The following IGFN1 variants were observed in gnomAD, a reference collection of about 807,000 sequenced individuals.
The protein encoded by IGFN1 is immunoglobulin like and fibronectin type III domain containing 1.
Under a neutral mutation model 289.5 loss-of-function variants are expected in IGFN1, and 253 were observed. The observed-to-expected ratio is 0.87, with a 90% CI of 0.79 to 0.97. The LOEUF (loss-of-function observed/expected upper bound fraction) is 0.97, where lower values mean the gene tolerates loss of function less well. Among genes scored for constraint, IGFN1 ranks in the 50% least tolerant of loss-of-function variants. The pLI, the probability that IGFN1 is intolerant of heterozygous loss-of-function variation, is 0.00. For synonymous variants in IGFN1, 1,706 were observed against 1,788.5 expected, an observed-to-expected ratio of 0.95 and a Z score of 1.16; for missense variants, 4,470 against 4,686.1, an observed-to-expected ratio of 0.95 and a Z score of 1.35.
At chr1:201,220,124 C>A (rs1196749816) in intron 18 of IGFN1, among the ~76,000 whole-genome samples, 1 of 140,310 alleles carries the variant, frequency 7.1e-6, no homozygotes, top group Non-Finnish European at 1.5e-5. Context: ...CCCTCCCTCT[C>A]TTCTTTCTTT....
Position 201,206,158 on chromosome 1 carries a change from C to G in IGFN1, c.1265C>G (p.Ala422Gly). ...AGGCAAGGAGCCCAGGCATCAGGAG[C>G]AGAAGAGTCTGGGAGCATCGAGAGC... ...LQRQGAQASG[A>G]EESGSIESQG... The change falls in exon 12 of 24, where the codon GCA becomes GGA. Residue 422 changes from alanine (A) to glycine (G), a missense_variant. Ala to Gly is a moderately conservative substitution (Grantham distance 60, BLOSUM62 0). Transcript: ENST00000335211. The G allele has an allele frequency of 6.4e-7, 1 of 1,550,802 alleles. No homozygotes were observed. The highest frequency in any genetic ancestry group is 8.7e-7 in the Non-Finnish European group (1 of 1,146,898).
intron 19 of IGFN1, 96 bp from the exon 20 acceptor site, chr1:201,222,643 C>A: frequency 2.7e-6 from 2 of 752,950 alleles, no homozygotes. Context: ...TCCGACTGGC[C>A]CAGTCTTCCC....
chr1:201,200,075 C>T (rs531662895), intron 7 of IGFN1, among the ~76,000 whole-genome samples, 162 bp from the exon 8 acceptor site: 33 of 152,254 alleles, frequency 2.2e-4, no homozygotes, highest in Non-Finnish European at 3.1e-4. Context: ...ATCTCTGAAT[C>T]CTTCTGGCCT....
rs1277079811 is a variant in IGFN1, at chr1:201,203,658, G to T, written c.748-80G>T. ...ACTGGGCCCGTGGGAGAAAACTGCT[G>T]GTTATAGCCAGAATGGGACTGGGGC... is the stretch of plus-strand genomic sequence containing the variant. On this transcript the variant is annotated intron_variant, in intron 9 of 23. Coordinates refer to ENST00000335211, the MANE Select transcript of IGFN1 (RefSeq NM_001164586.2). The T allele has an allele frequency of 6.6e-6, 9 of 1,373,000 alleles. No homozygotes were observed. In the East Asian group the frequency reaches 2.3e-4, roughly 34 times the overall value. 85.1% of individuals were successfully genotyped at this position (1,373,000 alleles called of 1,614,324 possible). A position where few individuals can be genotyped will look rare whatever the true frequency, so the allele number is the denominator to read the frequency against.
chr1:201,226,226 G>A, intron 22 of IGFN1, 103 bp downstream of exon 22: 1 of 1,290,610 alleles, frequency 7.7e-7, no homozygotes, highest in Non-Finnish European at 1.0e-6. Context: ...AGGGACTGTG[G>A]CAGGGATGGC....
intron 7 of IGFN1, 89 bp downstream of exon 7, chr1:201,199,743 C>T (rs1054454886): frequency 3.7e-5 from 42 of 1,129,670 alleles, no homozygotes; most frequent in African/African-American, 1.1e-4. Context: ...GCTTGAGCCC[C>T]ACCTCTACCC....
At position 201,224,820 on chromosome 1, in the gene IGFN1, C is replaced by T. The variant is rs373083910; in HGVS notation, c.10432C>T (p.Leu3478=). The stretch of plus-strand genomic sequence containing the variant: ...AGACAGTGGTCTCTACACTGTGGTG[C>T]TGAGGACCCTGCAGGGGAAGGAGGT... ...LSDSGLYTVV[L]RTLQGKEVAH... The change falls in exon 21 of 24, where the codon CTG becomes TTG. Residue 3478 remains leucine (L), a synonymous_variant. Transcript: ENST00000335211. 1.7e-5 allele frequency: 27 copies of T among 1,613,744 alleles called. No homozygotes were observed. The highest frequency in any genetic ancestry group is 2.2e-5 in the Non-Finnish European group (26 of 1,179,956).
At chr1:201,214,422 C>A in intron 13 of IGFN1, 121 bp downstream of exon 13, 1 of 1,062,178 alleles carries the variant, frequency 9.4e-7, no homozygotes, top group Non-Finnish European at 1.3e-6. Context: ...CTAATGTATC[C>A]ACCTCAGGAG....
chr1:201,204,786 G>A (rs908128589), intron 10 of IGFN1, among the ~76,000 whole-genome samples: 2 of 152,108 alleles, frequency 1.3e-5, no homozygotes, highest in African/African-American at 2.4e-5. Context: ...ATAAACTACC[G>A]GCTCTTAGCA....
At chr1:201,193,206 C>T in intron 1 of IGFN1, 41 bp from the exon 2 acceptor site, 1 of 1,002,580 alleles carries the variant, frequency 1.0e-6, no homozygotes, top group Non-Finnish European at 1.5e-6. Flanking sequence ...GGGGTGAGAC[C>T]AGCCTGGATT....
At position 201,215,782 on chromosome 1, in the gene IGFN1, T is replaced by G; in HGVS notation, c.9239T>G (p.Val3080Gly). ...AGRKDCGQYS[V>G]TLRSEGGSVQ... ...AGGAAGGACTGTGGCCAGTACAGCG[T>G]GACACTGAGGAGTGAGGGAGGCTCT... The change falls in exon 15 of 24, where the codon GTG (valine) becomes GGG (glycine). Residue 3080 changes from valine (V) to glycine (G), a missense_variant. Coordinates refer to ENST00000335211, the MANE Select transcript of IGFN1 (RefSeq NM_001164586.2). The G allele has an allele frequency of 6.2e-7, 1 of 1,601,466 alleles. No individual in the cohort carries two copies. The highest frequency in any genetic ancestry group is 8.5e-7 in the Non-Finnish European group (1 of 1,172,726).
In IGFN1 at chr1:201,222,843, G is replaced by A. The variant is rs1257849434; in HGVS notation, c.10290+16G>A. Reference sequence around the variant, plus strand: ...CTCCTTTGAAGTGAGTGTACCTGCAGGGGTGTGGGGAGGGAAGCCCAGAGA... The same window carrying A: ...CTCCTTTGAAGTGAGTGTACCTGCAAGGGTGTGGGGAGGGAAGCCCAGAGA... On this transcript the variant is annotated intron_variant, in intron 20 of 23. Coordinates refer to ENST00000335211, the MANE Select transcript of IGFN1 (RefSeq NM_001164586.2). 1 of 1,591,842 alleles carries A rather than the reference G, an allele frequency of 6.3e-7. No individual in the cohort carries two copies. The highest frequency in any genetic ancestry group is 2.3e-5 in the East Asian group (1 of 44,402).
chr1:201,225,023 T>G (rs1166723253), intron 21 of IGFN1, 149 bp downstream of exon 21: 1 of 588,824 alleles, frequency 1.7e-6, no homozygotes, highest in East Asian at 3.1e-5. Flanking sequence ...CCATGCTTGA[T>G]GATAGAAAGT....
Position 201,213,347 on chromosome 1 carries a change from G to A in IGFN1, c.8454G>A (p.Arg2818=), listed in dbSNP as rs1218375628. 4 of 1,606,466 alleles carry A rather than the reference G, an allele frequency of 2.5e-6. No individual in the cohort carries two copies. The highest frequency in any genetic ancestry group is 1.3e-5 in the African/African-American group (1 of 74,810). ...GGAGGCCTGGCTCACTCAGGAGCAG[G>A]TCTCAGGCACAGTCAGGGGCTGAGG... ...SGRRPGSLRS[R]SQAQSGAEVG... is the part of the protein sequence containing the mutation. The change falls in exon 12 of 24, where the codon AGG becomes AGA. Residue 2818 remains arginine, a synonymous_variant. Coordinates refer to ENST00000335211, the MANE Select transcript of IGFN1 (RefSeq NM_001164586.2).
chr1:201,192,958 G>A (rs1033537465), intron 1 of IGFN1, among the ~76,000 whole-genome samples: 4 of 152,170 alleles, frequency 2.6e-5, no homozygotes, highest in African/African-American at 9.7e-5. Context: ...CCCACCAGGA[G>A]GCCAGGCCAC....
chr1:201,219,030 C>A (rs1197215271), intron 18 of IGFN1, among the ~76,000 whole-genome samples: 3 of 147,358 alleles, frequency 2.0e-5, no homozygotes, highest in African/African-American at 7.6e-5. Flanking sequence ...AGAGGGAGAC[C>A]CTGTTACAAA....
chr1:201,225,784 G>C, intron 21 of IGFN1, 40 bp from the exon 22 acceptor site: 1 of 1,565,706 alleles, frequency 6.4e-7, no homozygotes, highest in Non-Finnish European at 8.6e-7. Flanking sequence ...GCCCTGCTGG[G>C]TCCCCTCCAC....
In IGFN1 at chr1:201,218,604, G is replaced by C. The variant is rs1190276568; in HGVS notation, c.9844G>C (p.Gly3282Arg). 1 of 1,612,580 alleles carries C rather than the reference G, an allele frequency of 6.2e-7. No individual in the cohort carries two copies. The highest frequency in any genetic ancestry group is 8.5e-7 in the Non-Finnish European group (1 of 1,179,976). The change falls in exon 18 of 24, where the codon GGT (glycine) becomes CGT (arginine). Residue 3282 changes from glycine (G) to arginine (R), a missense_variant. By Grantham distance (125) the Gly-to-Arg change is moderately radical. Transcript: ENST00000335211. Reference sequence around the variant, plus strand: ...CCGGGTCACAGCTGTGGCTCCCTCAGGTCCCGGAGAGCCTGGACCTCCATC... The same window carrying C: ...CCGGGTCACAGCTGTGGCTCCCTCACGTCCCGGAGAGCCTGGACCTCCATC... ...EFRVTAVAPS[G>R]PGEPGPPSDA... is the part of the protein sequence containing the mutation.
chr1:201,203,690 C>T (rs1352676038), intron 9 of IGFN1, 48 bp from the exon 10 acceptor site: 1 of 1,525,618 alleles, frequency 6.6e-7, no homozygotes, highest in Admixed American at 2.0e-5. Flanking sequence ...GGGCAGGAAG[C>T]ACTGAGGACC....
Sources: gnomAD v4.1 joint callset for allele counts (sites outside exome capture counted in the v4.1 genomes callset) on GRCh38, gnomAD v4.1.1 for gene constraint, MANE v1.5 for transcripts, NCBI Gene and HGNC (gene_info 2026-07-23, HGNC 2026-07-21) for gene names.